POLR3F: variants seen among roughly 807,000 people sequenced by gnomAD.
POLR3F encodes the protein RNA polymerase III subunit F, also known as DNA-directed RNA polymerase III subunit RPC6.
In POLR3F, 31 loss-of-function variants were observed where a neutral mutation model predicts 43.6. The ratio of observed to expected loss-of-function variants is 0.71; its 90% CI spans 0.53 to 0.96. The LOEUF is 0.96. POLR3F is among the 40% of genes least tolerant of loss of function. POLR3F has a pLI of 0.00. For synonymous variants in POLR3F, 114 were observed against 132.5 expected (o/e 0.86, Z 0.96); for missense variants, 316 against 391.7 (o/e 0.81, Z 1.63).
rs1462876619 is a variant in POLR3F, at chr20:18,480,179, A to C, written c.571A>C (p.Lys191Gln). 1 of 1,610,546 alleles carries C rather than the reference A, an allele frequency of 6.2e-7. No homozygotes were observed. Among genetic ancestry groups the C allele is most frequent in the Non-Finnish European group, 8.5e-7 (1 of 1,177,804 alleles). The change falls in exon 6 of 9, where the codon AAG (lysine) becomes CAG (glutamine). Residue 191 changes from lysine to glutamine, a missense_variant and splice_region_variant. Lys to Gln is a moderately conservative substitution (Grantham distance 53). Coordinates refer to ENST00000377603, the MANE Select transcript of POLR3F (RefSeq NM_006466.4). ...NQQCFKFLQS[K>Q]AETARESKQN... The stretch of plus-strand genomic sequence containing the variant: ...ACAGTGTTTTAAATTCCTACAGTCC[A>C]AGGTGAGGTATGATTGAGGAAACAT...
Position 18,472,024 on chromosome 20 carries a change from A to G in POLR3F, c.181-818A>G, listed in dbSNP as rs139174834. Among the ~76,000 whole-genome samples, 1,154 of 152,246 alleles carry G rather than the reference A, an allele frequency of 7.6e-3. 7 individuals carry two copies. The highest frequency in any genetic ancestry group is 0.014 in the Middle Eastern group (4 of 294). ...AAACAAGGGAATAGCGTCCCTCTCA[A>G]CTGTGGCTTTCTAGTACTTCCAGAG... On this transcript the variant is annotated intron_variant, in intron 2 of 8. Transcript: ENST00000377603.
chr20:18,475,073 AG>A lies in POLR3F; in HGVS notation c.317del. 8.2e-7 allele frequency: 1 copy of A among 1,212,180 alleles called. No individual in the cohort carries two copies. The highest frequency in any genetic ancestry group is 1.2e-6 in the Non-Finnish European group (1 of 830,330). 75.1% of individuals were successfully genotyped at this position (1,212,180 alleles called of 1,614,324 possible). ...AACTTATTTTACTTTACTTTCTTATAGGAATATGGAGCAGAGATATCCGCTA... is the reference window on the plus strand; with the variant it reads ...AACTTATTTTACTTTACTTTCTTATAGAATATGGAGCAGAGATATCCGCTA... On this transcript the variant is annotated splice_acceptor_variant, in intron 4 of 8. Coordinates refer to ENST00000377603, the MANE Select transcript of POLR3F (RefSeq NM_006466.4). LOFTEE classifies it high-confidence loss of function.
In POLR3F at chr20:18,481,524, C is replaced by A. The variant is rs1218748003; in HGVS notation, c.682-95C>A. On this transcript the variant is annotated intron_variant, in intron 7 of 8. Transcript: ENST00000377603. The stretch of plus-strand genomic sequence containing the variant: ...AAAGTGCTGGGATTACAGGCGTGAG[C>A]CACTGCGCCCAGCAACCCTTTACTG... 1.4e-5 allele frequency: 12 copies of A among 833,164 alleles called. No individual in the cohort carries two copies. The African/African-American group carries it at 2.0e-4, about 14-fold the overall frequency. 51.6% of individuals were successfully genotyped at this position (833,164 alleles called of 1,614,324 possible).
At position 18,484,474 on chromosome 20, in the gene POLR3F, TA is replaced by T; in HGVS notation, c.*917del. The T allele has an allele frequency of 4.6e-6, 1 of 216,696 alleles. No individual in the cohort carries two copies. Among genetic ancestry groups the T allele is most frequent in the Non-Finnish European group, 9.0e-6 (1 of 110,658 alleles). 13.4% of individuals were successfully genotyped at this position (216,696 alleles called of 1,614,324 possible). ...CTCATGAATGGGATTAGTGCCCTTA[TA>T]TAAAGAGACCCAGAGAGCTCCATCA... On this transcript the variant is annotated 3_prime_UTR_variant, in exon 9 of 9. Coordinates refer to ENST00000377603, the MANE Select transcript of POLR3F (RefSeq NM_006466.4).
At chr20:18,479,745 G>A (rs1050067867) in intron 5 of POLR3F, among the ~76,000 whole-genome samples, 1 of 152,176 alleles carries the variant, frequency 6.6e-6, no homozygotes, top group African/African-American at 2.4e-5. Context: ...AATGTAGTAT[G>A]ATGTCCTGGA....
At chr20:18,471,142 T>C (rs1470033008) in intron 2 of POLR3F, among the ~76,000 whole-genome samples, 3 of 152,208 alleles carry the variant, frequency 2.0e-5, no homozygotes, top group Non-Finnish European at 4.4e-5. Context: ...TTTCCCACAC[T>C]GAGTCCCTGC....
chr20:18,472,208 T>C (rs2059756748), intron 2 of POLR3F, among the ~76,000 whole-genome samples: 1 of 152,174 alleles, frequency 6.6e-6, no homozygotes, highest in African/African-American at 2.4e-5. Flanking sequence ...CACTGTTAAC[T>C]TTTTTTGTTT....
chr20:18,472,203 T>G (rs948671716), intron 2 of POLR3F, among the ~76,000 whole-genome samples: 1 of 152,088 alleles, frequency 6.6e-6, no homozygotes, highest in Non-Finnish European at 1.5e-5. Context: ...AATGTCACTG[T>G]TAACTTTTTT....
intron 1 of POLR3F, among the ~76,000 whole-genome samples, chr20:18,467,867 G>C (rs1457624191): frequency 1.3e-5 from 2 of 152,198 alleles, no homozygotes; most frequent in Non-Finnish European, 2.9e-5. Flanking sequence ...AGTGCTTTGA[G>C]AGGAGCCCTC....
At position 18,480,052 on chromosome 20, in the gene POLR3F, G is replaced by A. The variant is rs550631062; in HGVS notation, c.444G>A (p.Lys148=). Residue 148 remains lysine (K), a synonymous_variant, in exon 6 of 9, where the codon AAG becomes AAA. Transcript: ENST00000377603. ...AVKSVAASKK[K]VYMLYNLQPD... is the part of the protein sequence containing the mutation. ...TTCTTTCCTAGGCCTCAAAAAAGAAGGTGTATATGCTCTATAACCTGCAGC... is the reference window on the plus strand; with the variant it reads ...TTCTTTCCTAGGCCTCAAAAAAGAAAGTGTATATGCTCTATAACCTGCAGC... The A allele has an allele frequency of 2.9e-5, 47 of 1,603,514 alleles. No individual in the cohort carries two copies. In the South Asian group the frequency reaches 4.8e-4, roughly 17 times the overall value.
Position 18,477,686 on chromosome 20 carries a change from A to G in POLR3F, c.430-2352A>G, listed in dbSNP as rs181144167. 1.1e-3 allele frequency among the ~76,000 whole-genome samples: 163 copies of G among 152,368 alleles called. 2 individuals are homozygous for G. Among genetic ancestry groups the G allele is most frequent in the African/African-American group, 3.6e-3 (150 of 41,590 alleles). On this transcript the variant is annotated intron_variant, in intron 5 of 8. Coordinates refer to ENST00000377603, the MANE Select transcript of POLR3F (RefSeq NM_006466.4). Reference sequence around the variant, plus strand: ...CTAAGTAAAAGAAGCCAGTCCGAAAAGGCTACATACTGTATGATTACAACT... The same window carrying G: ...CTAAGTAAAAGAAGCCAGTCCGAAAGGGCTACATACTGTATGATTACAACT...
chr20:18,472,475 C>T (rs559703121), intron 2 of POLR3F, among the ~76,000 whole-genome samples: 112 of 152,212 alleles, frequency 7.4e-4, no homozygotes, highest in African/African-American at 2.4e-3. Context: ...TGAGCCACCA[C>T]GCCCAGCCAT....
intron 5 of POLR3F, 62 bp downstream of exon 5, chr20:18,475,249 G>A (rs768577883): frequency 1.3e-4 from 88 of 686,876 alleles, no homozygotes; most frequent in Non-Finnish European, 2.2e-4. Flanking sequence ...TATTCTTGAA[G>A]TTATGTCATG....
Position 18,480,019 on chromosome 20 carries a change from T to A in POLR3F, c.430-19T>A. On this transcript the variant is annotated intron_variant, in intron 5 of 8. Coordinates refer to ENST00000377603, the MANE Select transcript of POLR3F (RefSeq NM_006466.4). ...ATTGTTATCTTATAAACACATGAACTGTGCATGTTCTTTCCTAGGCCTCAA... is the reference window on the plus strand; with the variant it reads ...ATTGTTATCTTATAAACACATGAACAGTGCATGTTCTTTCCTAGGCCTCAA... The A allele has an allele frequency of 6.4e-7, 1 of 1,568,560 alleles. No individual in the cohort carries two copies. Among genetic ancestry groups the A allele is most frequent in the South Asian group, 1.2e-5 (1 of 84,172 alleles).
chr20:18,467,500 C>T lies in POLR3F; in HGVS notation c.-7C>T. ...CTTTCCCCCCAGGCGTCAGGAACTGCGCCCTCATGGCGGAGGTGAAGGTGA... is the reference window on the plus strand; with the variant it reads ...CTTTCCCCCCAGGCGTCAGGAACTGTGCCCTCATGGCGGAGGTGAAGGTGA... On this transcript the variant is annotated 5_prime_UTR_variant, in exon 1 of 9. Transcript: ENST00000377603. The T allele has an allele frequency of 2.5e-6, 4 of 1,614,206 alleles. No homozygotes were observed. The highest frequency in any genetic ancestry group is 3.4e-6 in the Non-Finnish European group (4 of 1,180,002).
intron 4 of POLR3F, 81 bp downstream of exon 4, chr20:18,473,539 T>C (rs1248868902): frequency 1.0e-5 from 7 of 689,608 alleles, no homozygotes; most frequent in Admixed American, 2.1e-5. Context: ...CTTCCCAGGG[T>C]AGAACTCAGT....
rs367877477 is a variant in POLR3F at position 18,480,191 on chromosome 20, G to C, written c.573+10G>C. On this transcript the variant is annotated intron_variant, in intron 6 of 8. Transcript: ENST00000377603. ...ATTCCTACAGTCCAAGGTGAGGTAT[G>C]ATTGAGGAAACATCACTGCAAACCC... 14 of 1,605,302 alleles carry C rather than the reference G, an allele frequency of 8.7e-6. No homozygotes were observed. In the African/African-American group the frequency reaches 1.9e-4, roughly 22 times the overall value.
intron 2 of POLR3F, 45 bp from the exon 3 acceptor site, chr20:18,472,797 T>C: frequency 7.4e-6 from 6 of 811,266 alleles, no homozygotes; most frequent in Non-Finnish European, 1.2e-5. Context: ...ATTTAACATA[T>C]CTCCAAAATA....
intron 5 of POLR3F, 57 bp from the exon 6 acceptor site, chr20:18,479,978 GTTT>G: frequency 7.6e-7 from 1 of 1,315,056 alleles, no homozygotes; most frequent in Non-Finnish European, 1.1e-6. Flanking sequence ...AAATATAGGT[GTTT>G]TTGTTTTTGG....
Sources: gnomAD v4.1 joint callset for allele counts (sites outside exome capture counted in the v4.1 genomes callset) on GRCh38, gnomAD v4.1.1 for gene constraint, MANE v1.5 for transcripts, NCBI Gene and HGNC (gene_info 2026-07-23, HGNC 2026-07-21) for gene names.